CACNA1A: variants seen among roughly 807,000 people sequenced by gnomAD.
CACNA1A encodes the protein voltage-dependent P/Q-type calcium channel subunit alpha-1A.
Under a neutral mutation model 262.4 loss-of-function variants are expected in CACNA1A, and 57 were observed. The observed-to-expected ratio is 0.22, with a 90% CI of 0.18 to 0.27. The LOEUF is 0.27. Ranked by LOEUF, CACNA1A falls within the 10% of genes least tolerant of loss-of-function variation. The pLI is 1.00. For synonymous variants in CACNA1A, 1,431 were observed against 1,419.3 expected (o/e 1.01, Z -0.18); for missense variants, 2,526 against 3,562.8 (o/e 0.71, Z 7.41).
intron 22 of CACNA1A, among the ~76,000 whole-genome samples, chr19:13,282,621 A>G (rs1367034916): frequency 6.6e-6 from 1 of 151,754 alleles, no homozygotes; most frequent in African/African-American, 2.4e-5. Flanking sequence ...GACCCTGGAC[A>G]GGCCACTTAC....
At chr19:13,468,672 A>G (rs899239577) in intron 1 of CACNA1A, among the ~76,000 whole-genome samples, 1 of 152,198 alleles carries the variant, frequency 6.6e-6, no homozygotes, top group Non-Finnish European at 1.5e-5. Context: ...TTGTAATCCC[A>G]GCTACTTAGG....
intron 6 of CACNA1A, among the ~76,000 whole-genome samples, chr19:13,348,730 G>A (rs1208402385): frequency 6.6e-6 from 1 of 152,180 alleles, no homozygotes; most frequent in Admixed American, 6.5e-5. Context: ...CAGCTACTCA[G>A]GAGGCTGAGG....
At chr19:13,227,675 T>A in intron 36 of CACNA1A, 148 bp from the exon 37 acceptor site, 1 of 369,890 alleles carries the variant, frequency 2.7e-6, no homozygotes, top group Non-Finnish European at 4.9e-6. Context: ...GAGAGAAAGA[T>A]GCAGAGAATG....
chr19:13,347,717 C>A (rs1461494120), intron 6 of CACNA1A, among the ~76,000 whole-genome samples: 2 of 152,156 alleles, frequency 1.3e-5, no homozygotes, highest in African/African-American at 2.4e-5. Flanking sequence ...CACGTCAACT[C>A]CTCTGTGTCC....
chr19:13,324,257 A>T (rs2058309776), intron 10 of CACNA1A, among the ~76,000 whole-genome samples: 1 of 152,194 alleles, frequency 6.6e-6, no homozygotes, highest in African/African-American at 2.4e-5. Context: ...ATTGAGAAGG[A>T]GAAGATGTTG....
chr19:13,315,039 C>T (rs1425135656), intron 11 of CACNA1A, among the ~76,000 whole-genome samples: 1 of 152,046 alleles, frequency 6.6e-6, no homozygotes, highest in Admixed American at 6.6e-5. Flanking sequence ...ATTACTTATC[C>T]TTAGCATTGT....
At chr19:13,482,344 G>A (rs560312460) in intron 1 of CACNA1A, among the ~76,000 whole-genome samples, 283 of 152,122 alleles carry the variant, frequency 1.9e-3, no homozygotes, top group Middle Eastern at 0.01. Context: ...CTAGCCGGGC[G>A]TGGTGGTGGG....
intron 6 of CACNA1A, among the ~76,000 whole-genome samples, chr19:13,353,362 G>A (rs1212129273): frequency 6.6e-6 from 1 of 151,180 alleles, no homozygotes; most frequent in East Asian, 1.9e-4. Flanking sequence ...AAACTCTTGG[G>A]CTCAAGTGAT....
chr19:13,286,647 G>T lies in CACNA1A; in HGVS notation c.3409C>A (p.Pro1137Thr). The change falls in exon 20 of 47, where the codon CCC becomes ACC. Residue 1137 changes from proline to threonine, a missense_variant. Transcript: ENST00000360228. ...ATAAGGCTATTCTCGGGGGTCTTGG[G>T]GGGGCCGGGATTGGATGGGTTCCCC... ...NPGNPSNPGP[P>T]KTPENSLIVT... is the part of the protein sequence containing the mutation. 1 of 1,543,218 alleles carries T rather than the reference G, an allele frequency of 6.5e-7. No homozygotes were observed. The highest frequency in any genetic ancestry group is 8.7e-7 in the Non-Finnish European group (1 of 1,144,728).
intron 1 of CACNA1A, among the ~76,000 whole-genome samples, chr19:13,498,703 T>A (rs1360706320): frequency 3.3e-5 from 5 of 152,214 alleles, no homozygotes; most frequent in African/African-American, 1.2e-4. Context: ...TTCTAAAAGC[T>A]GCATTCATTC....
Position 13,436,185 on chromosome 19 carries a change from G to A in CACNA1A, c.539+16691C>T, listed in dbSNP as rs538349743. On this transcript the variant is annotated intron_variant, in intron 3 of 46. Coordinates refer to ENST00000360228, the MANE Select transcript of CACNA1A (RefSeq NM_001127222.2). ...TGAAAAATCAGGGATTGTTCCCTGA[G>A]CCTTCGCTTTTTCGAAGCACTCAGC... Among the ~76,000 whole-genome samples the A allele has an allele frequency of 9.2e-5, 14 of 152,300 alleles. No homozygotes were observed. In the East Asian group the frequency reaches 2.3e-3, roughly 25 times the overall value.
intron 31 of CACNA1A, chr19:13,244,084 C>T (rs541835084): frequency 6.6e-6 from 1 of 152,400 alleles, no homozygotes; most frequent in South Asian, 2.1e-4. Context: ...GCCCTGGTCT[C>T]TGTCTCTCCA....
chr19:13,378,023 G>A (rs973078413), intron 3 of CACNA1A, among the ~76,000 whole-genome samples: 1 of 152,154 alleles, frequency 6.6e-6, no homozygotes, highest in African/African-American at 2.4e-5. Context: ...TGTGATTCGT[G>A]GGAACAGGTC....
At chr19:13,332,791 T>G (rs1451912683) in intron 9 of CACNA1A, 78 bp downstream of exon 9, 3 of 905,076 alleles carry the variant, frequency 3.3e-6, no homozygotes, top group Non-Finnish European at 3.6e-6. Flanking sequence ...ACCAGTCACC[T>G]GCTCTCCCCC....
intron 3 of CACNA1A, among the ~76,000 whole-genome samples, chr19:13,405,664 A>G (rs1365815309): frequency 6.6e-6 from 1 of 152,228 alleles, no homozygotes; most frequent in Non-Finnish European, 1.5e-5. Context: ...CATTGAACAG[A>G]TGAAACAAAT....
intron 34 of CACNA1A, among the ~76,000 whole-genome samples, chr19:13,232,458 G>A (rs780266741): frequency 2.8e-4 from 42 of 151,978 alleles, no homozygotes; most frequent in South Asian, 6.2e-4. Flanking sequence ...TTGGCTGGGC[G>A]CGGTGGCTCA....
chr19:13,298,399 G>A, intron 19 of CACNA1A, 145 bp downstream of exon 19: 1 of 740,714 alleles, frequency 1.4e-6, no homozygotes, highest in Non-Finnish European at 2.1e-6. Flanking sequence ...AAAGTGCTGG[G>A]ATTACAGGCG....
In CACNA1A at chr19:13,434,862, T is replaced by C. The variant is rs1472071072; in HGVS notation, c.539+18014A>G. On this transcript the variant is annotated intron_variant, in intron 3 of 46. Coordinates refer to ENST00000360228, the MANE Select transcript of CACNA1A (RefSeq NM_001127222.2). ...TGGAGTGCAGTGGCATAATCATTGC[T>C]CACTGCAGCCTTGACCTCCCAGGCT... 2.0e-5 allele frequency among the ~76,000 whole-genome samples: 3 copies of C among 152,010 alleles called. No individual in the cohort carries two copies. The South Asian group carries it at 6.2e-4, about 32-fold the overall frequency.
At chr19:13,231,587 G>A (rs577459927) in intron 35 of CACNA1A, 123 bp downstream of exon 35, 1 of 969,128 alleles carries the variant, frequency 1.0e-6, no homozygotes, top group East Asian at 2.6e-5. Flanking sequence ...ATCCCAGGCT[G>A]GTTCAGAGAA....
Sources: allele counts gnomAD v4.1 joint callset (sites outside exome capture counted in the v4.1 genomes callset), GRCh38; gene constraint gnomAD v4.1.1; transcripts MANE v1.5; gene names NCBI Gene and HGNC (gene_info 2026-07-23, HGNC 2026-07-21).